IL15RA: variants seen among roughly 807,000 people sequenced by gnomAD.
IL15RA encodes the protein interleukin 15 receptor subunit alpha.
A neutral mutation model predicts 24.2 loss-of-function variants in IL15RA; 26 were observed. The ratio of observed to expected loss-of-function variants is 1.07; its 90% confidence interval spans 0.79 to 1.49. The LOEUF is 1.49. Among genes scored for constraint, IL15RA ranks in the 40% most tolerant of loss-of-function variants. The probability of loss-of-function intolerance (pLI) is 0.00; values close to 1 mark genes in which losing one functional copy is unlikely to be tolerated. For synonymous variants in IL15RA, 166 were observed against 157.6 expected, an observed-to-expected ratio of 1.05 and a Z score of -0.40; for missense variants, 354 against 356.4, an observed-to-expected ratio of 0.99 and a Z score of 0.05.
downstream of IL15RA, among the ~76,000 whole-genome samples, chr10:5,951,073 C>T (rs1833828294): frequency 7.8e-6 from 1 of 128,750 alleles, no homozygotes; most frequent in Non-Finnish European, 1.6e-5. Context: ...ACCCAGGAGG[C>T]GGAGCTTGCA....
In IL15RA at chr10:5,953,880, G is replaced by C. The variant is rs1788041790; in HGVS notation, c.693-674C>G. ...GGCTGGCCTGTCTGGAGCTGCCTGG[G>C]TGCTGATGCCCTGGGCATCTGGCCG... On this transcript the variant is annotated intron_variant, in intron 6 of 6. Transcript: ENST00000379977. This position sits in a 1 kb window ranked among gnomAD's most constrained non-coding sequence, Gnocchi z 5.3. 6.4e-6 allele frequency: 1 copy of C among 155,570 alleles called. No homozygotes were observed. Among genetic ancestry groups the C allele is most frequent in the African/African-American group, 2.4e-5 (1 of 41,490 alleles). 9.6% of individuals were successfully genotyped at this position (155,570 alleles called of 1,614,324 possible).
At chr10:5,976,334 G>A (rs1160317426) in intron 1 of IL15RA, among the ~76,000 whole-genome samples, 1 of 152,216 alleles carries the variant, frequency 6.6e-6, no homozygotes, top group Non-Finnish European at 1.5e-5. Flanking sequence ...AACTGTGCGT[G>A]GAATGGCTTT....
At position 5,961,723 on chromosome 10, in the gene IL15RA, T is replaced by C. The variant is rs1269622014; in HGVS notation, c.383-1156A>G. On this transcript the variant is annotated intron_variant, in intron 3 of 6. Coordinates refer to ENST00000379977, the MANE Select transcript of IL15RA (RefSeq NM_002189.4). The surrounding 1 kb of genome is among the most constrained non-coding windows in gnomAD (Gnocchi z 5.2). ...GCCCCTGCACTGTAAGGGTGTGGCG[T>C]AACTGTGCTGTTCCCTCTCCATGAA... Among the ~76,000 whole-genome samples, 1 of 152,238 alleles carries C rather than the reference T, an allele frequency of 6.6e-6. No homozygotes were observed. The highest frequency in any genetic ancestry group is 1.5e-5 in the Non-Finnish European group (1 of 68,042).
chr10:5,949,799 T>TA (rs2132207292), downstream of IL15RA, among the ~76,000 whole-genome samples: 1 of 152,112 alleles, frequency 6.6e-6, no homozygotes, highest in South Asian at 2.1e-4. The surrounding 1 kb of genome is among the most constrained non-coding windows in gnomAD (Gnocchi z 4.4). Flanking sequence ...TGGGGGGAGT[T>TA]AAGAGTCTTA....
chr10:5,973,025 T>A lies in IL15RA; in HGVS notation c.88+4380A>T, dbSNP rs1837862061. Among the ~76,000 whole-genome samples, 1 of 152,182 alleles carries A rather than the reference T, an allele frequency of 6.6e-6. No homozygotes were observed. Among genetic ancestry groups the A allele is most frequent in the Admixed American group, 6.5e-5 (1 of 15,276 alleles). On this transcript the variant is annotated intron_variant, in intron 1 of 6. Transcript: ENST00000379977. This position sits in a 1 kb window ranked among gnomAD's most constrained non-coding sequence, Gnocchi z 4.5. The stretch of plus-strand genomic sequence containing the variant: ...TACACCTTACATAAAAAAAGCGAAC[T>A]GAAATTGGTGGCTAGGGATATTTGT...
chr10:5,957,697 T>G (rs910399887), intron 5 of IL15RA, among the ~76,000 whole-genome samples: 1 of 151,634 alleles, frequency 6.6e-6, no homozygotes, highest in Non-Finnish European at 1.5e-5. Context: ...GTTCAAACGA[T>G]TCTCCTACCT....
At position 5,975,690 on chromosome 10, in the gene IL15RA, G is replaced by T. The variant is rs1466733539; in HGVS notation, c.88+1715C>A. ...TCACAAGGTCAGGAGTGATCACCAT[G>T]TTGGATCAGCCTGACCAACATGATG... is the stretch of plus-strand genomic sequence containing the variant. On this transcript the variant is annotated intron_variant, in intron 1 of 6. Transcript: ENST00000379977. This position sits in a 1 kb window ranked among gnomAD's most constrained non-coding sequence, Gnocchi z 4.8. 6.6e-6 allele frequency among the ~76,000 whole-genome samples: 1 copy of T among 152,104 alleles called. No individual in the cohort carries two copies. Among genetic ancestry groups the T allele is most frequent in the African/African-American group, 2.4e-5 (1 of 41,420 alleles).
At position 5,959,256 on chromosome 10, in the gene IL15RA, C is replaced by T. The variant is rs142009427; in HGVS notation, c.616+498G>A. Among the ~76,000 whole-genome samples, 437 of 151,036 alleles carry T rather than the reference C, an allele frequency of 2.9e-3. 2 individuals carry two copies. Among genetic ancestry groups the T allele is most frequent in the African/African-American group, 0.01 (412 of 41,144 alleles). ...CTGGCCTCAAGCAATCCTCCCATTT[C>T]GGCCTCCCAAACTGCTGGGATTACA... On this transcript the variant is annotated intron_variant, in intron 5 of 6. Coordinates refer to ENST00000379977, the MANE Select transcript of IL15RA (RefSeq NM_002189.4). This position sits in a 1 kb window ranked among gnomAD's most constrained non-coding sequence, Gnocchi z 4.1.
At position 5,952,852 on chromosome 10, in the gene IL15RA, G is replaced by A. The variant is rs1349993949; in HGVS notation, c.*243C>T. The A allele has an allele frequency of 1.7e-6, 1 of 590,056 alleles. No homozygotes were observed. Among genetic ancestry groups the A allele is most frequent in the Non-Finnish European group, 3.0e-6 (1 of 332,456 alleles). 36.6% of individuals were successfully genotyped at this position (590,056 alleles called of 1,614,324 possible). On this transcript the variant is annotated 3_prime_UTR_variant, in exon 7 of 7. Coordinates refer to ENST00000379977, the MANE Select transcript of IL15RA (RefSeq NM_002189.4). ...GCTCAGAAGCCTTTGGTCTCTCCTG[G>A]GAAGCTGGGCCCTGGGTCCAAGGCA...
Position 5,967,704 on chromosome 10 carries a change from G to A in IL15RA, c.89-1365C>T, listed in dbSNP as rs1836819275. ...AGCTCTGTTGGAAGTGACAGGTGTT[G>A]TTTAGTTACAGTTGTTGGTACATGC... On this transcript the variant is annotated intron_variant, in intron 1 of 6. Transcript: ENST00000379977. The surrounding 1 kb of genome is among the most constrained non-coding windows in gnomAD (Gnocchi z 4.4). Among the ~76,000 whole-genome samples, 1 of 152,186 alleles carries A rather than the reference G, an allele frequency of 6.6e-6. No individual in the cohort carries two copies. Among genetic ancestry groups the A allele is most frequent in the Non-Finnish European group, 1.5e-5 (1 of 68,036 alleles).
chr10:5,949,548 A>G (rs1833731704), downstream of IL15RA, among the ~76,000 whole-genome samples: 1 of 152,062 alleles, frequency 6.6e-6, no homozygotes. The surrounding 1 kb of genome is among the most constrained non-coding windows in gnomAD (Gnocchi z 4.4). Context: ...TGTGCTGTGA[A>G]ATTCCAAGCC....
chr10:5,978,464 C>T (rs1838772888), upstream of IL15RA, among the ~76,000 whole-genome samples: 1 of 152,182 alleles, frequency 6.6e-6, no homozygotes, highest in African/African-American at 2.4e-5. This position sits in a 1 kb window ranked among gnomAD's most constrained non-coding sequence, Gnocchi z 5.2. Context: ...CTTAAAATCT[C>T]ACAACGTGTT....
chr10:5,958,574 A>G lies in IL15RA; in HGVS notation c.616+1180T>C, dbSNP rs189203239. Reference sequence around the variant, plus strand: ...CTAATTTTTTGTATTTTTAGTAAAGATGGGGTTTTGTCATGTTGTCCAGGC... The same window carrying G: ...CTAATTTTTTGTATTTTTAGTAAAGGTGGGGTTTTGTCATGTTGTCCAGGC... On this transcript the variant is annotated intron_variant, in intron 5 of 6. Coordinates refer to ENST00000379977, the MANE Select transcript of IL15RA (RefSeq NM_002189.4). The surrounding 1 kb of genome is among the most constrained non-coding windows in gnomAD (Gnocchi z 4.3). 1.2e-3 allele frequency among the ~76,000 whole-genome samples: 178 copies of G among 152,184 alleles called. No individual in the cohort carries two copies. The highest frequency in any genetic ancestry group is 3.3e-3 in the Admixed American group (50 of 15,278).
rs1835455514 is a variant in IL15RA at position 5,961,210 on chromosome 10, C to T, written c.383-643G>A. Among the ~76,000 whole-genome samples the T allele has an allele frequency of 6.6e-6, 1 of 152,108 alleles. No homozygotes were observed. The highest frequency in any genetic ancestry group is 1.9e-4 in the East Asian group (1 of 5,158). ...GATTACGGGCGAGAGCCACTGTGCC[C>T]TGCCGCAAGACCCTGTTTCTACAAA... On this transcript the variant is annotated intron_variant, in intron 3 of 6. Coordinates refer to ENST00000379977, the MANE Select transcript of IL15RA (RefSeq NM_002189.4). This position sits in a 1 kb window ranked among gnomAD's most constrained non-coding sequence, Gnocchi z 5.2.
Position 5,953,067 on chromosome 10 carries a change from G to A in IL15RA, c.*28C>T. The A allele has an allele frequency of 6.6e-7, 1 of 1,524,752 alleles. No individual in the cohort carries two copies. The highest frequency in any genetic ancestry group is 9.1e-7 in the Non-Finnish European group (1 of 1,098,284). 94.5% of individuals were successfully genotyped at this position (1,524,752 alleles called of 1,614,324 possible). A position where few individuals can be genotyped will look rare whatever the true frequency, so the allele number is the denominator to read the frequency against. On this transcript the variant is annotated 3_prime_UTR_variant, in exon 7 of 7. Coordinates refer to ENST00000379977, the MANE Select transcript of IL15RA (RefSeq NM_002189.4). This position sits in a 1 kb window ranked among gnomAD's most constrained non-coding sequence, Gnocchi z 5.3. ...AAAGCAGAGAGGCTCCTTCACTCCG[G>A]ACTTAGCTGGGCTGGTTTCCCCGAG... is the stretch of plus-strand genomic sequence containing the variant.
In IL15RA at chr10:5,961,062, C is replaced by T. The variant is rs939665111; in HGVS notation, c.383-495G>A. Among the ~76,000 whole-genome samples, 5 of 152,096 alleles carry T rather than the reference C, an allele frequency of 3.3e-5. No homozygotes were observed. Among genetic ancestry groups the T allele is most frequent in the Non-Finnish European group, 7.4e-5 (5 of 68,014 alleles). ...CCCAAGTAGCTGGAATTACAGGTGTCCACCACCACGCCCAGCTAATTTTTG... is the reference window on the plus strand; with the variant it reads ...CCCAAGTAGCTGGAATTACAGGTGTTCACCACCACGCCCAGCTAATTTTTG... On this transcript the variant is annotated intron_variant, in intron 3 of 6. Coordinates refer to ENST00000379977, the MANE Select transcript of IL15RA (RefSeq NM_002189.4). The surrounding 1 kb of genome is among the most constrained non-coding windows in gnomAD (Gnocchi z 5.2).
In IL15RA at chr10:5,955,705, A is replaced by C. The variant is rs527983964; in HGVS notation, c.692+674T>G. Among the ~76,000 whole-genome samples the C allele has an allele frequency of 2.6e-5, 4 of 152,372 alleles. No homozygotes were observed. Among genetic ancestry groups the C allele is most frequent in the African/African-American group, 9.6e-5 (4 of 41,584 alleles). On this transcript the variant is annotated intron_variant, in intron 6 of 6. Transcript: ENST00000379977. This position sits in a 1 kb window ranked among gnomAD's most constrained non-coding sequence, Gnocchi z 5.3. ...TTTCAATGATTAGAAATACAAAATTAAGGCTAACATGAATCAGTATATTTA... is the reference window on the plus strand; with the variant it reads ...TTTCAATGATTAGAAATACAAAATTCAGGCTAACATGAATCAGTATATTTA...
chr10:5,964,915 C>A lies in IL15RA; in HGVS notation c.284-1074G>T, dbSNP rs8177780. Among the ~76,000 whole-genome samples, 14 of 152,310 alleles carry A rather than the reference C, an allele frequency of 9.2e-5. No individual in the cohort carries two copies. Among genetic ancestry groups the A allele is most frequent in the Admixed American group, 3.3e-4 (5 of 15,308 alleles). ...CAGCGAGTGATTTCTTGGAACAAGT[C>A]GGAGGCTTCCTCCCTGCCTTCCCTC... On this transcript the variant is annotated intron_variant, in intron 2 of 6. Transcript: ENST00000379977. This position sits in a 1 kb window ranked among gnomAD's most constrained non-coding sequence, Gnocchi z 5.6.
chr10:5,962,237 G>A lies in IL15RA; in HGVS notation c.382+1506C>T, dbSNP rs1835704484. Among the ~76,000 whole-genome samples, 1 of 152,204 alleles carries A rather than the reference G, an allele frequency of 6.6e-6. No homozygotes were observed. The highest frequency in any genetic ancestry group is 2.4e-5 in the African/African-American group (1 of 41,448). Reference sequence around the variant, plus strand: ...CCCTGTGCAGGTGACTCACTAGGAGGGAACCTTGTTTAGCTGCTTCTTCCT... The same window carrying A: ...CCCTGTGCAGGTGACTCACTAGGAGAGAACCTTGTTTAGCTGCTTCTTCCT... On this transcript the variant is annotated intron_variant, in intron 3 of 6. Transcript: ENST00000379977. The surrounding 1 kb of genome is among the most constrained non-coding windows in gnomAD (Gnocchi z 5.2).
Sources: allele counts gnomAD v4.1 joint callset (sites outside exome capture counted in the v4.1 genomes callset), GRCh38; gene constraint gnomAD v4.1.1; non-coding constraint Gnocchi (gnomAD v3.1); transcripts MANE v1.5; gene names NCBI Gene and HGNC (gene_info 2026-07-23, HGNC 2026-07-21).